Variants in GRID2 observed in about 807,000 individuals in gnomAD.
GRID2 encodes glutamate receptor ionotropic, delta-2.
In GRID2, 33 loss-of-function variants were observed where a neutral mutation model predicts 114.8. That is an observed-to-expected ratio of 0.29 (90% CI 0.22 to 0.38). The LOEUF (loss-of-function observed/expected upper bound fraction) is 0.38. Among genes scored for constraint, GRID2 ranks in the 10% least tolerant of loss-of-function variants. GRID2 has a pLI of 1.00. For synonymous variants in GRID2, 505 were observed against 449.9 expected (o/e 1.12, Z -1.55); for missense variants, 1,184 against 1,257.7 (o/e 0.94, Z 0.89).
intron 2 of GRID2, among the ~76,000 whole-genome samples, chr4:92,898,798 A>G (rs922976757): frequency 1.3e-5 from 2 of 152,140 alleles, no homozygotes; most frequent in African/African-American, 4.8e-5. Flanking sequence ...TGTAACCTTT[A>G]ACAGGTTTCA....
At chr4:93,596,740 A>G (rs1023961275) in intron 13 of GRID2, among the ~76,000 whole-genome samples, 1 of 152,198 alleles carries the variant, frequency 6.6e-6, no homozygotes, top group Non-Finnish European at 1.5e-5. Context: ...CTGATTTGAT[A>G]TATCAGTTGG....
At chr4:93,370,234 T>C (rs1579850449) in intron 8 of GRID2, among the ~76,000 whole-genome samples, 1 of 152,246 alleles carries the variant, frequency 6.6e-6, no homozygotes, top group East Asian at 1.9e-4. Context: ...TAAAAATCTG[T>C]CTAGCTTTCA....
chr4:92,932,303 C>T (rs528172456), intron 2 of GRID2, among the ~76,000 whole-genome samples: 1 of 151,292 alleles, frequency 6.6e-6, no homozygotes, highest in African/African-American at 2.4e-5. Flanking sequence ...ATGCTAATAT[C>T]ATTAGACAAA....
chr4:92,558,381 T>C (rs1332126485), intron 1 of GRID2, among the ~76,000 whole-genome samples: 3 of 152,158 alleles, frequency 2.0e-5, no homozygotes, highest in Non-Finnish European at 4.4e-5. Flanking sequence ...AAGGCCAAAC[T>C]TCTAAATTGA....
At chr4:93,580,752 C>T (rs570557557) in intron 13 of GRID2, among the ~76,000 whole-genome samples, 13 of 144,146 alleles carry the variant, frequency 9.0e-5, no homozygotes, top group African/African-American at 3.0e-4. Context: ...TGGCAAAGAG[C>T]ATTTTTTTTT....
intron 2 of GRID2, among the ~76,000 whole-genome samples, chr4:92,932,571 G>A (rs1750327750): frequency 6.6e-6 from 1 of 151,224 alleles, no homozygotes; most frequent in Non-Finnish European, 1.5e-5. Flanking sequence ...ATTTGCCCAA[G>A]AGAAATGAAA....
At chr4:92,501,056 G>C (rs1046488000) in intron 1 of GRID2, among the ~76,000 whole-genome samples, 2 of 152,104 alleles carry the variant, frequency 1.3e-5, no homozygotes, top group Non-Finnish European at 2.9e-5. Flanking sequence ...TATTTCAGAT[G>C]CTCTGCCAAC....
intron 2 of GRID2, among the ~76,000 whole-genome samples, chr4:93,069,803 C>G (rs915679200): frequency 7.9e-5 from 12 of 152,198 alleles, no homozygotes; most frequent in African/African-American, 2.9e-4. Context: ...AAGCACAACA[C>G]TGATTCACAT....
chr4:93,491,762 T>A (rs1000770571), intron 12 of GRID2, among the ~76,000 whole-genome samples: 1 of 151,918 alleles, frequency 6.6e-6, no homozygotes, highest in African/African-American at 2.4e-5. Flanking sequence ...AAAAAGAATG[T>A]AAATTAAATT....
intron 2 of GRID2, among the ~76,000 whole-genome samples, chr4:92,858,597 G>C (rs375298968): frequency 6.6e-6 from 1 of 151,920 alleles, no homozygotes; most frequent in South Asian, 2.1e-4. Flanking sequence ...TCACACTTTC[G>C]CCCAGGCTGG....
At chr4:92,798,836 G>T (rs1436661982) in intron 2 of GRID2, among the ~76,000 whole-genome samples, 1 of 151,930 alleles carries the variant, frequency 6.6e-6, no homozygotes, top group African/African-American at 2.4e-5. Flanking sequence ...CAGCAAGGAA[G>T]GGGCACTTTG....
At chr4:92,758,897 G>T (rs1214280360) in intron 2 of GRID2, among the ~76,000 whole-genome samples, 1 of 152,072 alleles carries the variant, frequency 6.6e-6, no homozygotes, top group African/African-American at 2.4e-5. Context: ...TCAAAATTAT[G>T]CATGGAGAGC....
chr4:92,497,930 C>T (rs1437573343), intron 1 of GRID2, among the ~76,000 whole-genome samples: 1 of 151,686 alleles, frequency 6.6e-6, no homozygotes, highest in Non-Finnish European at 1.5e-5. Context: ...CTTCTTAAAT[C>T]TTAGCTGCAT....
intron 14 of GRID2, among the ~76,000 whole-genome samples, chr4:93,727,679 A>T (rs549871930): frequency 2.5e-4 from 38 of 152,340 alleles, no homozygotes; most frequent in Admixed American, 7.8e-4. Flanking sequence ...TTACTGGTCT[A>T]TTCAGAGATT....
At chr4:92,882,565 T>A (rs1315372218) in intron 2 of GRID2, among the ~76,000 whole-genome samples, 5 of 152,142 alleles carry the variant, frequency 3.3e-5, no homozygotes, top group Non-Finnish European at 5.9e-5. Flanking sequence ...AACACTCTGT[T>A]AATTAAAAAT....
intron 2 of GRID2, among the ~76,000 whole-genome samples, chr4:92,832,538 C>T (rs1742187606): frequency 6.6e-6 from 1 of 151,986 alleles, no homozygotes; most frequent in Non-Finnish European, 1.5e-5. Context: ...GGATTACAGG[C>T]ACCCGCCACC....
At chr4:93,217,997 A>C (rs538511307) in intron 6 of GRID2, among the ~76,000 whole-genome samples, 1 of 152,030 alleles carries the variant, frequency 6.6e-6, no homozygotes, top group South Asian at 2.1e-4. Flanking sequence ...CTCTCTAATA[A>C]TACTAGATAA....
chr4:92,600,089 T>TATATATATATATATATATATATA (rs1729154849), intron 2 of GRID2, among the ~76,000 whole-genome samples: 1 of 134,758 alleles, frequency 7.4e-6, no homozygotes, highest in Non-Finnish European at 1.6e-5. Flanking sequence ...TATATATATA[T>TATATATATATATATATATATATA]TTCTCAGAAT....
chr4:92,936,051 AAAAG>A (rs1750649976), intron 2 of GRID2, among the ~76,000 whole-genome samples: 1 of 146,466 alleles, frequency 6.8e-6, no homozygotes, highest in Non-Finnish European at 1.5e-5. Flanking sequence ...TAAAATAAAA[AAAAG>A]AAATTTAAAT....
Sources: allele counts gnomAD v4.1 joint callset (sites outside exome capture counted in the v4.1 genomes callset), GRCh38; gene constraint gnomAD v4.1.1; transcripts MANE v1.5; gene names NCBI Gene and HGNC (gene_info 2026-07-23, HGNC 2026-07-21).